Variants in ULK4 observed in about 807,000 individuals in gnomAD.
ULK4 encodes the protein unc-51 like kinase 4, also known as inactive serine/threonine-protein kinase ULK4.
ULK4 carries 133 observed loss-of-function variants against 160.6 expected under a neutral mutation model. That is an observed-to-expected ratio of 0.83 (90% CI 0.72 to 0.96). The LOEUF (loss-of-function observed/expected upper bound fraction) is 0.96. Among genes scored for constraint, ULK4 ranks in the 40% least tolerant of loss-of-function variants. The probability of loss-of-function intolerance (pLI) is 0.00; values close to 1 mark genes in which losing one functional copy is unlikely to be tolerated. For missense variants in ULK4, 1,580 were observed against 1,499.5 expected (o/e 1.05, Z -0.89); for synonymous variants, 534 against 539.8 (o/e 0.99, Z 0.15).
chr3:41,857,125 C>G (rs1333135982), intron 17 of ULK4, among the ~76,000 whole-genome samples: 1 of 152,128 alleles, frequency 6.6e-6, no homozygotes, highest in East Asian at 1.9e-4. Flanking sequence ...CAGCTATCTT[C>G]TGGAGAACAG....
chr3:41,579,654 C>A (rs926464674), intron 31 of ULK4, among the ~76,000 whole-genome samples: 1 of 151,816 alleles, frequency 6.6e-6, no homozygotes, highest in South Asian at 2.1e-4. Flanking sequence ...CCTCCATGCC[C>A]GGCTAATTTT....
chr3:41,342,430 G>C (rs945832143), intron 35 of ULK4, among the ~76,000 whole-genome samples: 1 of 151,988 alleles, frequency 6.6e-6, no homozygotes, highest in Non-Finnish European at 1.5e-5. Context: ...TAATAATTAG[G>C]GTGTTGCTAC....
At chr3:41,560,786 A>G (rs141912941) in intron 32 of ULK4, among the ~76,000 whole-genome samples, 1,527 of 152,332 alleles carry the variant, frequency 0.01, 7 homozygotes, top group Non-Finnish European at 0.017. Flanking sequence ...GGTTTTCTAA[A>G]TATACAATCA....
At chr3:41,912,320 C>G (rs528341064) in intron 9 of ULK4, among the ~76,000 whole-genome samples, 1 of 126,218 alleles carries the variant, frequency 7.9e-6, no homozygotes, top group Non-Finnish European at 1.6e-5. Context: ...CAGAGTGAGA[C>G]GTTGTCTCAA....
chr3:41,740,545 G>T (rs189779607), intron 22 of ULK4, among the ~76,000 whole-genome samples: 1 of 151,990 alleles, frequency 6.6e-6, no homozygotes, highest in East Asian at 1.9e-4. Flanking sequence ...ATTTTTATCT[G>T]ATCTTGACAG....
Position 41,892,762 on chromosome 3 carries a change from A to T in ULK4, c.1577+2756T>A, listed in dbSNP as rs546200577. ...AAACTTACCAAATCACCATATCTGG[A>T]CCATAAGACACCAGACCCCCTCACC... On this transcript the variant is annotated intron_variant, in intron 16 of 36. Coordinates refer to ENST00000301831, the MANE Select transcript of ULK4 (RefSeq NM_017886.4). 2.0e-5 allele frequency among the ~76,000 whole-genome samples: 3 copies of T among 152,322 alleles called. No homozygotes were observed. In the South Asian group the frequency reaches 6.2e-4, roughly 32 times the overall value.
At chr3:41,706,849 A>ATATGTGTGTGTGTG (rs1338692017) in intron 25 of ULK4, among the ~76,000 whole-genome samples, 1 of 102,368 alleles carries the variant, frequency 9.8e-6, no homozygotes, top group African/African-American at 5.1e-5. Flanking sequence ...AAAAAAAAAT[A>ATATGTGTGTGTGTG]TGTGTGTGTG....
intron 35 of ULK4, among the ~76,000 whole-genome samples, chr3:41,335,268 G>A (rs1386923937): frequency 6.6e-6 from 1 of 152,156 alleles, no homozygotes; most frequent in South Asian, 2.1e-4. Context: ...TTTAATGCTG[G>A]TTAACTTCAC....
chr3:41,705,285 G>A lies in ULK4; in HGVS notation c.2655C>T (p.Asp885=). Residue 885 remains aspartate, a synonymous_variant, in exon 26 of 37, where the codon GAC becomes GAT. Coordinates refer to ENST00000301831, the MANE Select transcript of ULK4 (RefSeq NM_017886.4). ...GTILSHIKSV[D]SGETNIDGAI... ...CTCCATCTATGTTCGTTTCTCCTGAGTCTACAGATTTAATATGACTCTGAA... is the reference window on the plus strand; with the variant it reads ...CTCCATCTATGTTCGTTTCTCCTGAATCTACAGATTTAATATGACTCTGAA... 5 of 1,612,372 alleles carry A rather than the reference G, an allele frequency of 3.1e-6. No homozygotes were observed. Among genetic ancestry groups the A allele is most frequent in the Non-Finnish European group, 4.2e-6 (5 of 1,179,330 alleles).
chr3:41,478,230 T>C (rs1410672021), intron 32 of ULK4, among the ~76,000 whole-genome samples: 1 of 152,230 alleles, frequency 6.6e-6, no homozygotes, highest in Non-Finnish European at 1.5e-5. Context: ...TTCACAATTC[T>C]GGGCTTTGCT....
chr3:41,455,463 T>C, intron 34 of ULK4, 34 bp downstream of exon 34: 1 of 1,573,070 alleles, frequency 6.4e-7, no homozygotes, highest in Non-Finnish European at 8.7e-7. Context: ...TCAACTTCAG[T>C]AATGCCCCAA....
intron 35 of ULK4, among the ~76,000 whole-genome samples, chr3:41,309,362 T>C (rs752966214): frequency 5.9e-5 from 9 of 152,168 alleles, no homozygotes; most frequent in Non-Finnish European, 1.0e-4. Context: ...GGTCTCCCTA[T>C]GCTGCCCAGG....
At chr3:41,470,953 G>A in intron 32 of ULK4, among the ~76,000 whole-genome samples, 1 of 152,010 alleles carries the variant, frequency 6.6e-6, no homozygotes, top group East Asian at 1.9e-4. Flanking sequence ...ATAATAAAAT[G>A]ACAGAAGTCC....
chr3:41,869,261 A>C (rs995276387), intron 17 of ULK4, among the ~76,000 whole-genome samples: 1 of 152,148 alleles, frequency 6.6e-6, no homozygotes, highest in Non-Finnish European at 1.5e-5. Flanking sequence ...GAACATATAC[A>C]ATATTAGCTC....
chr3:41,824,897 T>A (rs2041289403), intron 18 of ULK4, among the ~76,000 whole-genome samples: 1 of 152,274 alleles, frequency 6.6e-6, no homozygotes, highest in East Asian at 1.9e-4. Context: ...CCGAATAGAC[T>A]AACTGGGAGG....
At chr3:41,586,001 C>A (rs1252388798) in intron 31 of ULK4, among the ~76,000 whole-genome samples, 1 of 152,008 alleles carries the variant, frequency 6.6e-6, no homozygotes, top group East Asian at 1.9e-4. Context: ...AAAAAAAACA[C>A]AAATGGTGAG....
At chr3:41,510,850 T>C (rs2085547051) in intron 32 of ULK4, among the ~76,000 whole-genome samples, 2 of 152,146 alleles carry the variant, frequency 1.3e-5, no homozygotes, top group African/African-American at 4.8e-5. Flanking sequence ...GGAAAGTTCA[T>C]AGCATTAAAT....
chr3:41,298,779 G>A (rs2079723575), intron 35 of ULK4, among the ~76,000 whole-genome samples: 1 of 152,188 alleles, frequency 6.6e-6, no homozygotes, highest in Non-Finnish European at 1.5e-5. Flanking sequence ...AAGTCAGGAT[G>A]GGCACCATGA....
chr3:41,458,735 G>A (rs1272261952), intron 33 of ULK4, among the ~76,000 whole-genome samples: 2 of 152,154 alleles, frequency 1.3e-5, no homozygotes, highest in Non-Finnish European at 2.9e-5. Flanking sequence ...ACAAGAGACA[G>A]TTACTTTCTC....
Sources: gnomAD v4.1 joint callset for allele counts (sites outside exome capture counted in the v4.1 genomes callset) on GRCh38, gnomAD v4.1.1 for gene constraint, MANE v1.5 for transcripts, NCBI Gene and HGNC (gene_info 2026-07-23, HGNC 2026-07-21) for gene names.